AGPAT3: variants seen among roughly 807,000 people sequenced by gnomAD.
The protein encoded by AGPAT3 is 1-acyl-sn-glycerol-3-phosphate acyltransferase gamma.
AGPAT3 carries 5 observed loss-of-function variants against 47.3 expected under a neutral mutation model. The ratio of observed to expected loss-of-function variants is 0.11; its 90% CI spans 0.06 to 0.22. The LOEUF (loss-of-function observed/expected upper bound fraction) is 0.22. Ranked by LOEUF, AGPAT3 falls within the 10% of genes least tolerant of loss-of-function variation. The pLI is 1.00. For missense variants in AGPAT3, 315 were observed against 493.0 expected (o/e 0.64, Z 3.42); for synonymous variants, 212 against 208.3 (o/e 1.02, Z -0.15).
At chr21:43,871,344 A>G (rs1317330528) in intron 1 of AGPAT3, among the ~76,000 whole-genome samples, 3 of 152,222 alleles carry the variant, frequency 2.0e-5, no homozygotes, top group Non-Finnish European at 4.4e-5. Context: ...TACTAAGAGA[A>G]TAAGCATCAA....
intron 2 of AGPAT3, among the ~76,000 whole-genome samples, chr21:43,948,872 A>T (rs530773321): frequency 6.6e-6 from 1 of 152,024 alleles, no homozygotes; most frequent in African/African-American, 2.4e-5. Context: ...CAAGTCCCCA[A>T]ACAGTGGCTG....
At chr21:43,912,374 C>T (rs2086648131) in intron 2 of AGPAT3, among the ~76,000 whole-genome samples, 1 of 152,280 alleles carries the variant, frequency 6.6e-6, no homozygotes. Flanking sequence ...GAGGAAGGCG[C>T]TGGCCATGGC....
intron 2 of AGPAT3, among the ~76,000 whole-genome samples, chr21:43,919,319 C>G (rs933480368): frequency 6.6e-6 from 1 of 152,152 alleles, no homozygotes; most frequent in African/African-American, 2.4e-5. Context: ...ACCCCCTTCC[C>G]AATTTCCCTG....
intron 1 of AGPAT3, among the ~76,000 whole-genome samples, chr21:43,900,822 G>A (rs538430467): frequency 4.6e-5 from 7 of 152,244 alleles, no homozygotes; most frequent in Admixed American, 1.3e-4. Flanking sequence ...CAGAGCTTAC[G>A]AGCGAGATCT....
intron 3 of AGPAT3, among the ~76,000 whole-genome samples, chr21:43,961,142 A>G (rs527969548): frequency 1.7e-5 from 2 of 115,004 alleles, no homozygotes; most frequent in Non-Finnish European, 4.1e-5. Context: ...GACTCTGTCT[A>G]AAAAAAAAAA....
chr21:43,981,358 T>A lies in AGPAT3; in HGVS notation c.1042+171T>A. ...CCTGCGGGCCTCAGAGCCTGGATTC[T>A]TGCACTGAGCTGAGGGTCGCCTCCC... is the stretch of plus-strand genomic sequence containing the variant. On this transcript the variant is annotated intron_variant, in intron 9 of 9. Coordinates refer to ENST00000291572, the MANE Select transcript of AGPAT3 (RefSeq NM_020132.5). This position sits in a 1 kb window ranked among gnomAD's most constrained non-coding sequence, Gnocchi z 5.3. 3 of 734,052 alleles carry A rather than the reference T, an allele frequency of 4.1e-6. No individual in the cohort carries two copies. The highest frequency in any genetic ancestry group is 6.7e-6 in the Non-Finnish European group (3 of 447,418). 45.5% of individuals were successfully genotyped at this position (734,052 alleles called of 1,614,324 possible).
chr21:43,883,165 G>C (rs2085892284), intron 1 of AGPAT3, among the ~76,000 whole-genome samples: 1 of 152,112 alleles, frequency 6.6e-6, no homozygotes, highest in Non-Finnish European at 1.5e-5. Flanking sequence ...TCCTGCCCGG[G>C]TCACTCCACT....
intron 2 of AGPAT3, among the ~76,000 whole-genome samples, chr21:43,951,941 C>G (rs2146502654): frequency 6.6e-6 from 1 of 152,240 alleles, no homozygotes; most frequent in South Asian, 2.1e-4. Flanking sequence ...TCTGGGGAGA[C>G]TGCATGTGGG....
rs758415343 is a variant in AGPAT3, at chr21:43,920,854, G to A, written c.-49+16835G>A. Among the ~76,000 whole-genome samples, 8 of 151,306 alleles carry A rather than the reference G, an allele frequency of 5.3e-5. No homozygotes were observed. The highest frequency in any genetic ancestry group is 1.0e-4 in the Non-Finnish European group (7 of 67,818). On this transcript the variant is annotated intron_variant, in intron 2 of 9. Coordinates refer to ENST00000291572, the MANE Select transcript of AGPAT3 (RefSeq NM_020132.5). This position sits in a 1 kb window ranked among gnomAD's most constrained non-coding sequence, Gnocchi z 6.1. The stretch of plus-strand genomic sequence containing the variant: ...AAAACCAGTAAATGAGGCCAGGCGC[G>A]GTGGCTCACGCCTGTAATCCCAGCA...
chr21:43,947,085 G>C (rs2087928790), intron 2 of AGPAT3: 1 of 152,384 alleles, frequency 6.6e-6, no homozygotes, highest in African/African-American at 2.4e-5. Context: ...TGGGGGGCTG[G>C]AGGTCCTTGG....
Position 43,970,868 on chromosome 21 carries a change from T to TAAAAAA in AGPAT3, c.664+71_664+76dup. On this transcript the variant is annotated intron_variant, in intron 6 of 9. Coordinates refer to ENST00000291572, the MANE Select transcript of AGPAT3 (RefSeq NM_020132.5). This position sits in a 1 kb window ranked among gnomAD's most constrained non-coding sequence, Gnocchi z 5.8. ...TGCTCACGGAAAATAGTGATTTCTT[T>TAAAAAA]AAAAAAAAAAAAAATGAGTGCATTC... The TAAAAAA allele has an allele frequency of 8.7e-7, 1 of 1,147,414 alleles. No individual in the cohort carries two copies. Among genetic ancestry groups the TAAAAAA allele is most frequent in the Non-Finnish European group, 1.1e-6 (1 of 875,342 alleles). 71.1% of individuals were successfully genotyped at this position (1,147,414 alleles called of 1,614,324 possible).
chr21:43,974,421 G>T (rs2089523400), intron 7 of AGPAT3, among the ~76,000 whole-genome samples: 1 of 125,638 alleles, frequency 8.0e-6, no homozygotes, highest in African/African-American at 2.8e-5. Context: ...TATATTTGTG[G>T]TGTGTGTTGA....
chr21:43,907,159 G>A (rs371438957), intron 2 of AGPAT3, among the ~76,000 whole-genome samples: 2 of 151,024 alleles, frequency 1.3e-5, no homozygotes, highest in African/African-American at 4.9e-5. Context: ...TCAGCCTCCC[G>A]GTAGCTGGGA....
chr21:43,954,664 G>T lies in AGPAT3; in HGVS notation c.-48-4970G>T, dbSNP rs2088357588. The T allele has an allele frequency of 6.6e-6, 1 of 152,618 alleles. No homozygotes were observed. Among genetic ancestry groups the T allele is most frequent in the Non-Finnish European group, 1.5e-5 (1 of 68,208 alleles). The allele number at this position is 152,618 out of a possible 1,614,324, so 9.5% of individuals were successfully genotyped here. On this transcript the variant is annotated intron_variant, in intron 2 of 9. Coordinates refer to ENST00000291572, the MANE Select transcript of AGPAT3 (RefSeq NM_020132.5). This position sits in a 1 kb window ranked among gnomAD's most constrained non-coding sequence, Gnocchi z 4.0. ...GGGACACCGTCCCGGGTGTGACCTT[G>T]GGCCACACGGCAGGGTGGTGGACTT...
chr21:43,939,325 T>G lies in AGPAT3; in HGVS notation c.-48-20309T>G, dbSNP rs1391352234. Among the ~76,000 whole-genome samples the G allele has an allele frequency of 1.3e-5, 2 of 152,212 alleles. No individual in the cohort carries two copies. The highest frequency in any genetic ancestry group is 4.8e-5 in the African/African-American group (2 of 41,530). ...TAACACCCCACCCCCGTCGCTGTTG[T>G]TGTCGGGGGCCTCCCGCGCCCCAGG... On this transcript the variant is annotated intron_variant, in intron 2 of 9. Transcript: ENST00000291572. The surrounding 1 kb of genome is among the most constrained non-coding windows in gnomAD (Gnocchi z 4.4).
chr21:43,978,607 T>A (rs2070544), intron 8 of AGPAT3, among the ~76,000 whole-genome samples: 5 of 152,060 alleles, frequency 3.3e-5, no homozygotes, highest in African/African-American at 1.2e-4. Context: ...CCACACCTGG[T>A]CCCTTCTTCT....
chr21:43,918,090 GGTGTT>G (rs1441485233), intron 2 of AGPAT3, among the ~76,000 whole-genome samples: 13 of 146,400 alleles, frequency 8.9e-5, no homozygotes, highest in East Asian at 2.0e-4. Flanking sequence ...GGGTGTTGTG[GGTGTT>G]GTGTTGTGGG....
chr21:43,907,075 A>C (rs1457509806), intron 2 of AGPAT3, among the ~76,000 whole-genome samples: 1 of 132,904 alleles, frequency 7.5e-6, no homozygotes, highest in African/African-American at 2.9e-5. Flanking sequence ...TCTGTCTCCC[A>C]GGCTGGAGCT....
chr21:43,897,088 G>A (rs1230186534), intron 1 of AGPAT3, among the ~76,000 whole-genome samples: 1 of 151,782 alleles, frequency 6.6e-6, no homozygotes, highest in Non-Finnish European at 1.5e-5. Context: ...GGTTTTCCTA[G>A]GCAGAGGACC....
Sources: allele counts gnomAD v4.1 joint callset (sites outside exome capture counted in the v4.1 genomes callset), GRCh38; gene constraint gnomAD v4.1.1; non-coding constraint Gnocchi (gnomAD v3.1); transcripts MANE v1.5; gene names NCBI Gene and HGNC (gene_info 2026-07-23, HGNC 2026-07-21).